The following GALNT2 variants were observed in gnomAD, a reference collection of about 807,000 sequenced individuals.
GALNT2 encodes polypeptide N-acetylgalactosaminyltransferase 2, also known as UDP-GalNAc:polypeptide N-acetylgalactosaminyltransferase 2.
GALNT2 carries 31 observed loss-of-function variants against 81.4 expected under a neutral mutation model. The ratio of observed to expected loss-of-function variants is 0.38; its 90% CI spans 0.29 to 0.51. The LOEUF (loss-of-function observed/expected upper bound fraction) is 0.51, where lower values mean the gene tolerates loss of function less well. Ranked by LOEUF, GALNT2 falls within the 20% of genes least tolerant of loss-of-function variation. The pLI, the probability that GALNT2 is intolerant of heterozygous loss-of-function variation, is 0.87. For synonymous variants in GALNT2, 303 were observed against 287.4 expected, an observed-to-expected ratio of 1.05 and a Z score of -0.55; for missense variants, 629 against 765.7, an observed-to-expected ratio of 0.82 and a Z score of 2.11.
intron 1 of GALNT2, among the ~76,000 whole-genome samples, chr1:230,167,338 G>T (rs1279352169): frequency 6.6e-6 from 1 of 151,948 alleles, no homozygotes. Context: ...GTAGAAGCAG[G>T]GTCTCACCAC....
chr1:230,092,552 C>G (rs1343075956), intron 1 of GALNT2, among the ~76,000 whole-genome samples: 1 of 152,054 alleles, frequency 6.6e-6, no homozygotes, highest in Admixed American at 6.6e-5. Flanking sequence ...CCATGTTGGC[C>G]AGGCTGATCT....
At chr1:230,197,734 G>A (rs1226423046) in intron 2 of GALNT2, among the ~76,000 whole-genome samples, 1 of 152,136 alleles carries the variant, frequency 6.6e-6, no homozygotes. Context: ...TCACCCTCAT[G>A]CTTGGATTTT....
intron 14 of GALNT2, among the ~76,000 whole-genome samples, chr1:230,267,072 C>T (rs560575211): frequency 2.6e-5 from 4 of 152,316 alleles, no homozygotes; most frequent in African/African-American, 7.2e-5. Flanking sequence ...TCCTGATTCC[C>T]GGGCTCAGTC....
chr1:230,120,307 G>C (rs1660975948), intron 1 of GALNT2, among the ~76,000 whole-genome samples: 1 of 150,002 alleles, frequency 6.7e-6, no homozygotes, highest in Non-Finnish European at 1.5e-5. Context: ...CAGTTCCAGG[G>C]GTCCAGGACG....
intron 1 of GALNT2, among the ~76,000 whole-genome samples, chr1:230,166,871 A>G (rs1429235338): frequency 2.6e-5 from 4 of 152,168 alleles, no homozygotes; most frequent in African/African-American, 4.8e-5. Context: ...GAGGAGTAAA[A>G]GAGAGAACAT....
At chr1:230,135,629 G>T (rs1484099342) in intron 1 of GALNT2, among the ~76,000 whole-genome samples, 2 of 152,130 alleles carry the variant, frequency 1.3e-5, no homozygotes, top group Admixed American at 6.6e-5. Context: ...TTGCAGTCTG[G>T]CAGGCTCGGC....
intron 1 of GALNT2, among the ~76,000 whole-genome samples, chr1:230,081,734 A>G (rs536969084): frequency 6.6e-6 from 1 of 152,296 alleles, no homozygotes; most frequent in Admixed American, 6.5e-5. Flanking sequence ...ATCAATAGAT[A>G]CACTCTGTGA....
At position 230,115,431 on chromosome 1, in the gene GALNT2, A is replaced by G. The variant is rs183472023; in HGVS notation, c.126+48025A>G. On this transcript the variant is annotated intron_variant, in intron 1 of 15. Coordinates refer to ENST00000366672, the MANE Select transcript of GALNT2 (RefSeq NM_004481.5). ...CACACAGTTTTTGGTTTCCTAGTGCATACAAAGTTATGTTTACACTGTATT... is the reference window on the plus strand; with the variant it reads ...CACACAGTTTTTGGTTTCCTAGTGCGTACAAAGTTATGTTTACACTGTATT... Among the ~76,000 whole-genome samples, 199 of 152,336 alleles carry G rather than the reference A, an allele frequency of 1.3e-3. 1 individual carries two copies. The highest frequency in any genetic ancestry group is 4.4e-3 in the African/African-American group (185 of 41,580).
At chr1:230,163,450 AG>A (rs1334646631) in intron 1 of GALNT2, among the ~76,000 whole-genome samples, 1 of 152,152 alleles carries the variant, frequency 6.6e-6, no homozygotes, top group Non-Finnish European at 1.5e-5. Context: ...TGTATGAGGG[AG>A]GTGTGGTGTA....
At chr1:230,204,902 A>G (rs960645618) in intron 3 of GALNT2, among the ~76,000 whole-genome samples, 10 of 152,184 alleles carry the variant, frequency 6.6e-5, no homozygotes, top group African/African-American at 2.2e-4. Context: ...TGCACCAGGA[A>G]GTGAGGTCGT....
Position 230,186,942 on chromosome 1 carries a change from A to G in GALNT2, c.220+8631A>G, listed in dbSNP as rs1663355177. On this transcript the variant is annotated intron_variant, in intron 2 of 15. Coordinates refer to ENST00000366672, the MANE Select transcript of GALNT2 (RefSeq NM_004481.5). ...TTAGAAATTATTTTCTTGTGATTGA[A>G]AAATACATTTTCCCTAAGCATGAGG... Among the ~76,000 whole-genome samples the G allele has an allele frequency of 2.6e-5, 4 of 152,248 alleles. No individual in the cohort carries two copies. The South Asian group carries it at 8.3e-4, about 31-fold the overall frequency.
chr1:230,138,483 C>T lies in GALNT2; in HGVS notation c.127-39735C>T, dbSNP rs539288983. Among the ~76,000 whole-genome samples the T allele has an allele frequency of 3.3e-5, 5 of 151,158 alleles. No homozygotes were observed. The South Asian group carries it at 6.3e-4, about 19-fold the overall frequency. On this transcript the variant is annotated intron_variant, in intron 1 of 15. Transcript: ENST00000366672. ...GAGGTTGCAGTGAGCTGAGATCACG[C>T]CTCTGCACCCCAGCCTGGGCGATGC...
intron 1 of GALNT2, among the ~76,000 whole-genome samples, chr1:230,152,175 C>G (rs776185562): frequency 1.3e-5 from 2 of 152,180 alleles, no homozygotes; most frequent in Non-Finnish European, 2.9e-5. Context: ...AGGTTTTAGC[C>G]TCATTTTACC....
At chr1:230,183,552 A>G (rs1663225104) in intron 2 of GALNT2, among the ~76,000 whole-genome samples, 1 of 152,142 alleles carries the variant, frequency 6.6e-6, no homozygotes, top group South Asian at 2.1e-4. Flanking sequence ...CCCTCCCATC[A>G]CTTATATCAT....
At chr1:230,205,691 C>T (rs1422404175) in intron 3 of GALNT2, among the ~76,000 whole-genome samples, 1 of 152,102 alleles carries the variant, frequency 6.6e-6, no homozygotes. Flanking sequence ...TGCAAGATCG[C>T]AAGTGTATAT....
At position 230,067,417 on chromosome 1, in the gene GALNT2, C is replaced by G. The variant is rs549065079; in HGVS notation, c.126+11C>G. The stretch of plus-strand genomic sequence containing the variant: ...GGCGCCGGCAGGAAGGTGAGTGGAG[C>G]GCCCTGCCGCGGCCGGGCCCCTGCG... On this transcript the variant is annotated intron_variant, in intron 1 of 15. Transcript: ENST00000366672. The G allele has an allele frequency of 2.6e-6, 3 of 1,135,788 alleles. No homozygotes were observed. Among genetic ancestry groups the G allele is most frequent in the Non-Finnish European group, 3.3e-6 (3 of 902,338 alleles). The allele number at this position is 1,135,788 out of a possible 1,614,324, so 70.4% of individuals were successfully genotyped here. A position where few individuals can be genotyped will look rare whatever the true frequency, so the allele number is the denominator to read the frequency against.
chr1:230,252,843 CT>C (rs58544942), intron 10 of GALNT2, among the ~76,000 whole-genome samples: 15,563 of 78,280 alleles, frequency 0.2, 633 homozygotes, highest in Middle Eastern at 0.38. Context: ...GAGACAACTT[CT>C]TTTTTTTTTT....
At chr1:230,190,485 C>G (rs905585014) in intron 2 of GALNT2, among the ~76,000 whole-genome samples, 1 of 152,348 alleles carries the variant, frequency 6.6e-6, no homozygotes, top group Non-Finnish European at 1.5e-5. Flanking sequence ...ATTCAAAGTT[C>G]AATCTTTTCG....
intron 10 of GALNT2, among the ~76,000 whole-genome samples, chr1:230,253,666 G>A (rs1665618871): frequency 6.6e-6 from 1 of 152,160 alleles, no homozygotes; most frequent in Admixed American, 6.5e-5. Flanking sequence ...TCTCAAACAT[G>A]TAGCATGTTT....
Sources: allele counts gnomAD v4.1 joint callset (sites outside exome capture counted in the v4.1 genomes callset), GRCh38; gene constraint gnomAD v4.1.1; transcripts MANE v1.5; gene names NCBI Gene and HGNC (gene_info 2026-07-23, HGNC 2026-07-21).